The following EIF4EBP1 variants were observed in gnomAD, a reference collection of about 807,000 sequenced individuals.
EIF4EBP1 encodes eukaryotic translation initiation factor 4E binding protein 1.
EIF4EBP1 carries 5 observed loss-of-function variants against 9.2 expected under a neutral mutation model. The ratio of observed to expected loss-of-function variants is 0.54; its 90% confidence interval spans 0.28 to 1.14. The LOEUF is 1.14. EIF4EBP1 is among the 50% of genes most tolerant of loss of function. EIF4EBP1 has a pLI of 0.09. For missense variants in EIF4EBP1, 139 were observed against 169.6 expected (o/e 0.82, Z 1.00); for synonymous variants, 62 against 67.0 (o/e 0.93, Z 0.36).
intron 1 of EIF4EBP1, among the ~76,000 whole-genome samples, chr8:38,051,684 C>G (rs559002154): frequency 6.6e-6 from 1 of 152,144 alleles, no homozygotes; most frequent in East Asian, 1.9e-4. Flanking sequence ...CTGCAACCCC[C>G]GCCTCCCAGG....
Position 38,057,199 on chromosome 8 carries a change from G to GC in EIF4EBP1, c.270dup (p.Met91HisfsTer11). The GC allele has an allele frequency of 6.8e-7, 1 of 1,476,590 alleles. No homozygotes were observed. The highest frequency in any genetic ancestry group is 1.5e-5 in the African/African-American group (1 of 64,524). 91.5% of individuals were successfully genotyped at this position (1,476,590 alleles called of 1,614,324 possible). A position where few individuals can be genotyped will look rare whatever the true frequency, so the allele number is the denominator to read the frequency against. Reference sequence around the variant, plus strand: ...GGGTCACCAGCCCTTCCAGTGATGAGCCCCCCATGGAAGCCAGCCAGAGCC... The same window carrying GC: ...GGGTCACCAGCCCTTCCAGTGATGAGCCCCCCCATGGAAGCCAGCCAGAGCC... On this transcript the variant is annotated frameshift_variant, in exon 2 of 3. Transcript: ENST00000338825. LOFTEE classifies it high-confidence loss of function.
rs372786541 is a variant in EIF4EBP1, at chr8:38,055,607, ATATAT to A, written c.146-1470_146-1466del. Reference sequence around the variant, plus strand: ...ACATTATTTTATTATAGAATCTATAATATATTATTATATTATTGTATATTAAAAGG... The same window carrying A: ...ACATTATTTTATTATAGAATCTATAATATTATATTATTGTATATTAAAAGG... On this transcript the variant is annotated intron_variant, in intron 1 of 2. Coordinates refer to ENST00000338825, the MANE Select transcript of EIF4EBP1 (RefSeq NM_004095.4). Among the ~76,000 whole-genome samples the A allele has an allele frequency of 9.0e-3, 1,363 of 151,032 alleles. 15 individuals are homozygous for A. Among genetic ancestry groups the A allele is most frequent in the South Asian group, 0.068 (328 of 4,818 alleles).
intron 1 of EIF4EBP1, chr8:38,047,468 T>A (rs952536398): frequency 2.2e-5 from 3 of 136,794 alleles, no homozygotes; most frequent in African/African-American, 8.2e-5. Flanking sequence ...TAAGGTGTAG[T>A]GTAGGGTTTT....
chr8:38,045,817 A>G (rs1203520246), intron 1 of EIF4EBP1, among the ~76,000 whole-genome samples: 1 of 152,056 alleles, frequency 6.6e-6, no homozygotes, highest in African/African-American at 2.4e-5. Flanking sequence ...GTAGTTCCCT[A>G]CAACCTTGAA....
At chr8:38,056,081 T>C (rs1809591354) in intron 1 of EIF4EBP1, among the ~76,000 whole-genome samples, 1 of 152,150 alleles carries the variant, frequency 6.6e-6, no homozygotes, top group Admixed American at 6.6e-5. Context: ...AGCCTGGACC[T>C]CCTGGGCTCA....
intron 1 of EIF4EBP1, among the ~76,000 whole-genome samples, chr8:38,048,979 G>T (rs1214218561): frequency 1.3e-5 from 2 of 151,770 alleles, no homozygotes; most frequent in African/African-American, 4.8e-5. Flanking sequence ...TACAAAATTA[G>T]CCGGGCTTGG....
At chr8:38,049,251 A>G (rs1469498565) in intron 1 of EIF4EBP1, among the ~76,000 whole-genome samples, 1 of 152,118 alleles carries the variant, frequency 6.6e-6, no homozygotes, top group Non-Finnish European at 1.5e-5. Flanking sequence ...TGAAGGCGTC[A>G]AGGCACCGTT....
chr8:38,052,501 G>A (rs1400847465), intron 1 of EIF4EBP1, among the ~76,000 whole-genome samples: 2 of 152,000 alleles, frequency 1.3e-5, no homozygotes, highest in African/African-American at 4.8e-5. Flanking sequence ...GGCCGAGGCA[G>A]GCGGATCACC....
chr8:38,045,949 A>G (rs1226271975), intron 1 of EIF4EBP1, among the ~76,000 whole-genome samples: 6 of 151,852 alleles, frequency 4.0e-5, no homozygotes, highest in Admixed American at 3.3e-4. Flanking sequence ...TCTGTCACCC[A>G]AGCTGGAGTG....
chr8:38,038,795 A>G (rs866062447), intron 1 of EIF4EBP1, among the ~76,000 whole-genome samples: 25 of 152,134 alleles, frequency 1.6e-4, no homozygotes, highest in African/African-American at 5.5e-4. Flanking sequence ...ACATGAGGAC[A>G]AATGGCCAGT....
chr8:38,051,674 C>T (rs929111115), intron 1 of EIF4EBP1, among the ~76,000 whole-genome samples: 6 of 152,270 alleles, frequency 3.9e-5, no homozygotes, highest in Admixed American at 3.9e-4. Context: ...TCTCGGCTCA[C>T]TGCAACCCCC....
At chr8:38,038,567 A>G (rs530387173) in intron 1 of EIF4EBP1, among the ~76,000 whole-genome samples, 2 of 149,584 alleles carry the variant, frequency 1.3e-5, no homozygotes, top group Admixed American at 6.6e-5. Flanking sequence ...CATTGGCATG[A>G]TATCGGCTCA....
rs555343833 is a variant in EIF4EBP1, at chr8:38,049,997, C to T, written c.146-7084C>T. 2.0e-5 allele frequency among the ~76,000 whole-genome samples: 3 copies of T among 151,880 alleles called. No homozygotes were observed. In the South Asian group the frequency reaches 6.2e-4, roughly 32 times the overall value. ...CACAATCTCGGCTCACTGCAGCCTC[C>T]GCCTCCTGGGTTCAAGCGGTTCTCG... On this transcript the variant is annotated intron_variant, in intron 1 of 2. Coordinates refer to ENST00000338825, the MANE Select transcript of EIF4EBP1 (RefSeq NM_004095.4).
intron 1 of EIF4EBP1, among the ~76,000 whole-genome samples, chr8:38,037,194 G>T (rs1809315476): frequency 6.6e-6 from 1 of 152,150 alleles, no homozygotes; most frequent in South Asian, 2.1e-4. Flanking sequence ...TTTTTTCTGA[G>T]CAGTCTTACT....
intron 1 of EIF4EBP1, among the ~76,000 whole-genome samples, chr8:38,035,931 A>T (rs1809295665): frequency 6.7e-6 from 1 of 148,784 alleles, no homozygotes; most frequent in Non-Finnish European, 1.5e-5. Context: ...CTGGTCTCGA[A>T]CTCCTGACCT....
At chr8:38,052,447 G>A (rs548631375) in intron 1 of EIF4EBP1, among the ~76,000 whole-genome samples, 1 of 141,908 alleles carries the variant, frequency 7.0e-6, no homozygotes, top group Admixed American at 6.8e-5. Context: ...AATTTTAGTA[G>A]GCCAGGTGCA....
intron 1 of EIF4EBP1, among the ~76,000 whole-genome samples, chr8:38,041,043 G>GC (rs937762468): frequency 8.6e-5 from 13 of 151,944 alleles, no homozygotes; most frequent in Non-Finnish European, 2.9e-5. Context: ...CAAGTGATCC[G>GC]CCCGCCTCGG....
intron 1 of EIF4EBP1, among the ~76,000 whole-genome samples, chr8:38,043,713 G>A (rs1050282498): frequency 1.6e-4 from 24 of 152,070 alleles, no homozygotes; most frequent in African/African-American, 2.4e-4. Flanking sequence ...AGAGGCTGCC[G>A]ATCGTCCCCA....
At chr8:38,041,528 C>T (rs950720129) in intron 1 of EIF4EBP1, among the ~76,000 whole-genome samples, 3 of 152,312 alleles carry the variant, frequency 2.0e-5, no homozygotes, top group Non-Finnish European at 2.9e-5. Context: ...TTAGAGGGAA[C>T]GTGCTGCCTG....
Sources: allele counts gnomAD v4.1 joint callset (sites outside exome capture counted in the v4.1 genomes callset), GRCh38; gene constraint gnomAD v4.1.1; transcripts MANE v1.5; gene names NCBI Gene and HGNC (gene_info 2026-07-23, HGNC 2026-07-21).